The following GRM3 variants were observed in gnomAD, a reference collection of about 807,000 sequenced individuals.
GRM3 encodes glutamate metabotropic receptor 3.
GRM3 carries 26 observed loss-of-function variants against 70.5 expected under a neutral mutation model. The observed-to-expected ratio is 0.37, with a 90% CI of 0.27 to 0.51. The LOEUF is 0.51. Among genes scored for constraint, GRM3 ranks in the 20% least tolerant of loss-of-function variants. The pLI is 0.93. For synonymous variants in GRM3, 443 were observed against 434.9 expected, an observed-to-expected ratio of 1.02 and a Z score of -0.23; for missense variants, 859 against 1,123.8, an observed-to-expected ratio of 0.76 and a Z score of 3.37.
intron 1 of GRM3, among the ~76,000 whole-genome samples, chr7:86,760,776 G>A (rs1796459685): frequency 6.6e-6 from 1 of 151,916 alleles, no homozygotes; most frequent in African/African-American, 2.4e-5. Flanking sequence ...AAAATACAGT[G>A]TATTTAAACA....
At chr7:86,729,199 G>A (rs1795663119) in intron 1 of GRM3, among the ~76,000 whole-genome samples, 1 of 152,134 alleles carries the variant, frequency 6.6e-6, no homozygotes, top group African/African-American at 2.4e-5. Flanking sequence ...GGATTCCCAA[G>A]CTGGACTGTC....
intron 1 of GRM3, among the ~76,000 whole-genome samples, chr7:86,657,359 T>C (rs1299487441): frequency 6.6e-6 from 1 of 152,180 alleles, no homozygotes; most frequent in Non-Finnish European, 1.5e-5. Context: ...AAGTGGATAA[T>C]AATATTTCTG....
intron 3 of GRM3, among the ~76,000 whole-genome samples, chr7:86,825,607 A>G (rs1798216318): frequency 6.6e-6 from 1 of 152,216 alleles, no homozygotes; most frequent in South Asian, 2.1e-4. Flanking sequence ...AAACAACAAA[A>G]TAGAAATTAA....
At chr7:86,821,941 CTT>C (rs113685892) in intron 3 of GRM3, among the ~76,000 whole-genome samples, 4 of 143,346 alleles carry the variant, frequency 2.8e-5, no homozygotes, top group Non-Finnish European at 3.1e-5. Flanking sequence ...CTTAGAGCAA[CTT>C]TTTTTTTTTT....
intron 4 of GRM3, among the ~76,000 whole-genome samples, chr7:86,841,332 G>A (rs1244322660): frequency 6.6e-6 from 1 of 152,064 alleles, no homozygotes; most frequent in African/African-American, 2.4e-5. Context: ...CAATGTTGTG[G>A]GGCAAGACTA....
intron 1 of GRM3, among the ~76,000 whole-genome samples, chr7:86,699,905 T>C (rs1316884678): frequency 1.3e-5 from 2 of 151,988 alleles, no homozygotes; most frequent in African/African-American, 2.4e-5. Context: ...CCTGCATCCA[T>C]GTAAATTTGA....
intron 3 of GRM3, among the ~76,000 whole-genome samples, chr7:86,812,736 G>A (rs1168439588): frequency 6.6e-6 from 1 of 151,692 alleles, no homozygotes; most frequent in East Asian, 1.9e-4. Flanking sequence ...GGTCTATTTG[G>A]GGAGAAAATA....
chr7:86,700,757 T>A (rs1405875), intron 1 of GRM3, among the ~76,000 whole-genome samples: 1 of 151,858 alleles, frequency 6.6e-6, no homozygotes, highest in African/African-American at 2.4e-5. Flanking sequence ...AAATGCAATG[T>A]GAATGGGGTC....
At chr7:86,746,303 A>AAAACTC (rs1209058772) in intron 1 of GRM3, among the ~76,000 whole-genome samples, 5 of 144,210 alleles carry the variant, frequency 3.5e-5, no homozygotes, top group Non-Finnish European at 6.0e-5. Flanking sequence ...ACTGAGAAAC[A>AAAACTC]AAACTCAATA....
At chr7:86,798,652 A>G (rs1196724005) in intron 3 of GRM3, among the ~76,000 whole-genome samples, 1 of 152,200 alleles carries the variant, frequency 6.6e-6, no homozygotes, top group East Asian at 1.9e-4. Context: ...TAATGCTGAA[A>G]TGAGTTAAGA....
intron 1 of GRM3, among the ~76,000 whole-genome samples, chr7:86,695,109 A>G (rs2116054747): frequency 6.6e-6 from 1 of 152,296 alleles, no homozygotes; most frequent in East Asian, 1.9e-4. Context: ...AATGTACTTC[A>G]ATTACCTTCC....
chr7:86,849,239 C>A (rs1056320432), intron 4 of GRM3, among the ~76,000 whole-genome samples: 7 of 152,096 alleles, frequency 4.6e-5, no homozygotes, highest in Non-Finnish European at 1.0e-4. Context: ...GCTTTTGCAT[C>A]ACAGAATCAG....
chr7:86,835,046 C>G (rs1433101480), intron 3 of GRM3, among the ~76,000 whole-genome samples: 2 of 151,854 alleles, frequency 1.3e-5, no homozygotes, highest in African/African-American at 2.4e-5. Context: ...TTGTCCTAAC[C>G]AATACTAAAA....
At chr7:86,817,693 TTTATCC>T (rs1798043470) in intron 3 of GRM3, among the ~76,000 whole-genome samples, 2 of 151,980 alleles carry the variant, frequency 1.3e-5, no homozygotes, top group African/African-American at 4.8e-5. Flanking sequence ...TTGGAACTCA[TTTATCC>T]TTGCAGTAAT....
intron 3 of GRM3, among the ~76,000 whole-genome samples, chr7:86,834,879 A>G (rs573309886): frequency 1.3e-5 from 2 of 151,998 alleles, no homozygotes; most frequent in East Asian, 3.9e-4. Flanking sequence ...AATATTCAAT[A>G]TTTTTCTTAT....
intron 1 of GRM3, among the ~76,000 whole-genome samples, chr7:86,679,460 T>C (rs936203018): frequency 3.3e-5 from 5 of 152,040 alleles, no homozygotes; most frequent in African/African-American, 1.2e-4. Flanking sequence ...AAAATCGTTC[T>C]GGGTGATCAC....
rs148758436 is a variant in GRM3 at position 86,787,585 on chromosome 7, G to C, written c.1324+469G>C. Among the ~76,000 whole-genome samples the C allele has an allele frequency of 4.9e-4, 74 of 151,938 alleles. 1 individual carries two copies. The highest frequency in any genetic ancestry group is 1.7e-3 in the African/African-American group (70 of 41,390). ...GAGAGAGAGAGAGAGAGAAGTCACT[G>C]TTCTCCCAGAGCATAATTAGGGGCA... On this transcript the variant is annotated intron_variant, in intron 3 of 5. Coordinates refer to ENST00000361669, the MANE Select transcript of GRM3 (RefSeq NM_000840.3).
At position 86,680,692 on chromosome 7, in the gene GRM3, C is replaced by T. The variant is rs1794420943; in HGVS notation, c.-141+35820C>T. ...AATGATTGCAGGGGAAGAATGATCC[C>T]AGACAGTGCAAGAACTGTATAAATA... On this transcript the variant is annotated intron_variant, in intron 1 of 5. Transcript: ENST00000361669. 2.6e-5 allele frequency among the ~76,000 whole-genome samples: 4 copies of T among 152,086 alleles called. No individual in the cohort carries two copies. In the South Asian group the frequency reaches 8.3e-4, roughly 32 times the overall value.
At chr7:86,805,839 G>T (rs539378280) in intron 3 of GRM3, among the ~76,000 whole-genome samples, 1 of 152,018 alleles carries the variant, frequency 6.6e-6, no homozygotes, top group Admixed American at 6.5e-5. Context: ...ATGTTGGTGC[G>T]TTGCACTCAT....
Sources: allele counts gnomAD v4.1 joint callset (sites outside exome capture counted in the v4.1 genomes callset), GRCh38; gene constraint gnomAD v4.1.1; transcripts MANE v1.5; gene names NCBI Gene and HGNC (gene_info 2026-07-23, HGNC 2026-07-21).